Variants in EIF2AK3 observed in about 807,000 individuals in gnomAD.
The protein encoded by EIF2AK3 is eukaryotic translation initiation factor 2-alpha kinase 3.
EIF2AK3 carries 50 observed loss-of-function variants against 113.5 expected under a neutral mutation model. The ratio of observed to expected loss-of-function variants is 0.44; its 90% confidence interval spans 0.35 to 0.56. The LOEUF is 0.56. Among genes scored for constraint, EIF2AK3 ranks in the 20% least tolerant of loss-of-function variants. The probability of loss-of-function intolerance (pLI) is 0.00; values close to 1 mark genes in which losing one functional copy is unlikely to be tolerated. For missense variants in EIF2AK3, 1,185 were observed against 1,378.0 expected (o/e 0.86, Z 2.22); for synonymous variants, 448 against 495.4 (o/e 0.90, Z 1.27).
At chr2:88,608,874 A>C (rs1280042094) in intron 2 of EIF2AK3, among the ~76,000 whole-genome samples, 1 of 108,678 alleles carries the variant, frequency 9.2e-6, no homozygotes, top group Non-Finnish European at 2.0e-5. Flanking sequence ...CACCTGGCTA[A>C]TTTTTGTATT....
At chr2:88,597,545 A>G (rs910551994) in intron 2 of EIF2AK3, among the ~76,000 whole-genome samples, 16 of 152,214 alleles carry the variant, frequency 1.1e-4, no homozygotes, top group East Asian at 1.9e-4. Context: ...TTCTCCCCCA[A>G]TGGGTGGAAA....
chr2:88,590,014 G>A (rs1036823809), intron 6 of EIF2AK3, among the ~76,000 whole-genome samples: 1 of 152,038 alleles, frequency 6.6e-6, no homozygotes, highest in African/African-American at 2.4e-5. Context: ...GAGGTGGGTG[G>A]ATCACCTGAG....
chr2:88,613,912 C>A, intron 1 of EIF2AK3, 59 bp from the exon 2 acceptor site: 3 of 1,499,198 alleles, frequency 2.0e-6, no homozygotes, highest in Non-Finnish European at 2.7e-6. Context: ...GGGCACTTAT[C>A]CCACATGCTC....
rs925511871 is a variant in EIF2AK3 at position 88,584,388 on chromosome 2, A to G, written c.1651-846T>C. 5.3e-5 allele frequency among the ~76,000 whole-genome samples: 8 copies of G among 152,134 alleles called. No individual in the cohort carries two copies. The East Asian group carries it at 1.6e-3, about 29-fold the overall frequency. ...AAAAATTAGCTGGGTGTGGTGGTAT[A>G]TGCCAATAGTCCCAGCTACTCGGGA... On this transcript the variant is annotated intron_variant, in intron 9 of 16. Coordinates refer to ENST00000303236, the MANE Select transcript of EIF2AK3 (RefSeq NM_004836.7).
intron 3 of EIF2AK3, 62 bp downstream of exon 3, chr2:88,595,407 A>C (rs1674993478): frequency 6.7e-7 from 1 of 1,494,466 alleles, no homozygotes; most frequent in Non-Finnish European, 9.3e-7. Context: ...AGTTTAATAA[A>C]TTACTTTTTC....
intron 8 of EIF2AK3, among the ~76,000 whole-genome samples, chr2:88,586,529 G>T (rs532676686): frequency 1.3e-5 from 2 of 151,470 alleles, no homozygotes; most frequent in South Asian, 4.2e-4. Flanking sequence ...CAGAAAAATA[G>T]CTTGTCTTTT....
intron 6 of EIF2AK3, among the ~76,000 whole-genome samples, chr2:88,589,705 A>ACC (rs1404390535): frequency 6.6e-6 from 1 of 150,776 alleles, no homozygotes; most frequent in Non-Finnish European, 1.5e-5. Context: ...ATATAAACAG[A>ACC]CAGAGTGTTG....
chr2:88,584,167 T>C (rs570365806), intron 9 of EIF2AK3, among the ~76,000 whole-genome samples: 1 of 152,236 alleles, frequency 6.6e-6, no homozygotes, highest in East Asian at 1.9e-4. Flanking sequence ...CCAAGCACTG[T>C]GTAAGGGGCT....
Position 88,591,007 on chromosome 2 carries a change from G to T in EIF2AK3, c.813C>A (p.Asp271Glu). The change falls in exon 5 of 17, where the codon GAC becomes GAA. Residue 271 changes from aspartate (D) to glutamate (E), a missense_variant. By Grantham distance (45) the Asp-to-Glu change is conservative. Transcript: ENST00000303236. Reference protein sequence around the residue: ...VGHFELRYIPDMETRAGFIES... With the variant: ...VGHFELRYIPEMETRAGFIES... ...CAATAAATCCGGCTCTCGTTTCCAT[G>T]TCTGGAATATACCGAAGTTCAAAGT... 6.2e-7 allele frequency: 1 copy of T among 1,614,048 alleles called. No individual in the cohort carries two copies.
At position 88,557,892 on chromosome 2, in the gene EIF2AK3, T is replaced by C; in HGVS notation, c.3195A>G (p.Arg1065=). 1.9e-6 allele frequency: 3 copies of C among 1,614,132 alleles called. No individual in the cohort carries two copies. Among genetic ancestry groups the C allele is most frequent in the Non-Finnish European group, 2.5e-6 (3 of 1,179,978 alleles). ...TTTCAATGATGTTTATAGCTTCAGG[T>C]CGTTCCATGGGGGATGGAGAGAGCA... The part of the protein sequence containing the change: ...QDMLSPSPME[R]PEAINIIENA... Residue 1065 remains arginine, a synonymous_variant, in exon 17 of 17, where the codon CGA becomes CGG. Coordinates refer to ENST00000303236, the MANE Select transcript of EIF2AK3 (RefSeq NM_004836.7).
chr2:88,584,051 T>A (rs1382947910), intron 9 of EIF2AK3, among the ~76,000 whole-genome samples: 5 of 152,146 alleles, frequency 3.3e-5, no homozygotes, highest in Non-Finnish European at 7.4e-5. Flanking sequence ...TCCTAAAAGA[T>A]GTTTTAGAGG....
chr2:88,563,282 G>A (rs941021673), intron 14 of EIF2AK3, among the ~76,000 whole-genome samples: 5 of 152,140 alleles, frequency 3.3e-5, no homozygotes, highest in African/African-American at 1.2e-4. Context: ...AACCGTACTT[G>A]GCATCTGTCT....
intron 2 of EIF2AK3, among the ~76,000 whole-genome samples, chr2:88,608,219 G>T (rs1675337328): frequency 6.6e-6 from 1 of 152,082 alleles, no homozygotes; most frequent in African/African-American, 2.4e-5. Context: ...CATCTTCTCT[G>T]GTCTTCTGAG....
intron 1 of EIF2AK3, among the ~76,000 whole-genome samples, chr2:88,621,896 A>AT (rs34216518): frequency 0.42 from 56,426 of 133,170 alleles, 13,373 homozygotes; most frequent in African/African-American, 0.61. Context: ...TTATTCTATA[A>AT]TTTTTTTTTT....
At chr2:88,606,417 A>C (rs540073845) in intron 2 of EIF2AK3, among the ~76,000 whole-genome samples, 1 of 152,222 alleles carries the variant, frequency 6.6e-6, no homozygotes, top group Admixed American at 6.5e-5. Context: ...ATGCTAAGGG[A>C]TTAATATAAC....
chr2:88,618,216 G>A (rs902937306), intron 1 of EIF2AK3, among the ~76,000 whole-genome samples: 3 of 152,114 alleles, frequency 2.0e-5, no homozygotes, highest in Admixed American at 6.5e-5. Context: ...GAGATAAAAA[G>A]TGAAAAATGA....
At chr2:88,575,909 A>C (rs1436773348) in intron 12 of EIF2AK3, among the ~76,000 whole-genome samples, 1 of 152,232 alleles carries the variant, frequency 6.6e-6, no homozygotes, top group Non-Finnish European at 1.5e-5. Context: ...ACCTGTAGGT[A>C]GGAGTTTCAC....
rs745376249 is a variant in EIF2AK3, at chr2:88,593,405, C to T, written c.634G>A (p.Val212Met). 7 of 1,613,542 alleles carry T rather than the reference C, an allele frequency of 4.3e-6. No homozygotes were observed. Among genetic ancestry groups the T allele is most frequent in the Non-Finnish European group, 5.9e-6 (7 of 1,179,860 alleles). ...CCCAGAGCTGAACAGATATACCTCA[C>T]CTGAAAAGACAAAATTAGATACAAA... ...TYGLSAYSGK[V>M]RYICSALGCR... Residue 212 changes from valine (V) to methionine (M), a missense_variant and splice_region_variant, in exon 4 of 17, where the codon GTG (valine) becomes ATG (methionine). Physicochemically the swap from Val to Met is conservative, Grantham distance 21. This residue lies in a region of EIF2AK3 where 119 missense variants were observed against 178.7 expected (regional missense o/e 0.67). Transcript: ENST00000303236.
chr2:88,595,445 A>C, intron 3 of EIF2AK3, 24 bp downstream of exon 3: 5 of 1,611,064 alleles, frequency 3.1e-6, no homozygotes, highest in Non-Finnish European at 4.2e-6. Context: ...ATTTCCCCAA[A>C]GTAAATTCAG....
Sources: gnomAD v4.1 joint callset for allele counts (sites outside exome capture counted in the v4.1 genomes callset) on GRCh38, gnomAD v4.1.1 for gene constraint, gnomAD v4.1.1 regional missense constraint, MANE v1.5 for transcripts, NCBI Gene and HGNC (gene_info 2026-07-23, HGNC 2026-07-21) for gene names.